BTBD7: variants seen among roughly 807,000 people sequenced by gnomAD.
The protein encoded by BTBD7 is BTB/POZ domain-containing protein 7.
In BTBD7, 38 loss-of-function variants were observed where a neutral mutation model predicts 99.9. That is an observed-to-expected ratio of 0.38 (90% confidence interval 0.29 to 0.50). BTBD7 has a LOEUF of 0.50. Among genes scored for constraint, BTBD7 ranks in the 20% least tolerant of loss-of-function variants. The pLI, the probability that BTBD7 is intolerant of heterozygous loss-of-function variation, is 0.93. For synonymous variants in BTBD7, 520 were observed against 511.4 expected (o/e 1.02, Z -0.23); for missense variants, 1,170 against 1,394.6 (o/e 0.84, Z 2.57).
At chr14:93,308,023 G>A (rs1215849103) in intron 1 of BTBD7, among the ~76,000 whole-genome samples, 2 of 152,098 alleles carry the variant, frequency 1.3e-5, no homozygotes, top group Non-Finnish European at 2.9e-5. Context: ...GGCCGGGCAC[G>A]GTGGCTCAAT....
In BTBD7 at chr14:93,244,519, C is replaced by T. The variant is rs149165429; in HGVS notation, c.2583+1306G>A. Among the ~76,000 whole-genome samples, 1,322 of 152,060 alleles carry T rather than the reference C, an allele frequency of 8.7e-3. 5 individuals are homozygous for T. Among genetic ancestry groups the T allele is most frequent in the Non-Finnish European group, 0.014 (978 of 67,992 alleles). ...CAAAAATTAGCCGGGCGTGGTGGTG[C>T]GTGCCTGTAATCCCAGCTACTCAGG... On this transcript the variant is annotated intron_variant, in intron 10 of 10. Coordinates refer to ENST00000334746, the MANE Select transcript of BTBD7 (RefSeq NM_001002860.4).
intron 1 of BTBD7, among the ~76,000 whole-genome samples, chr14:93,299,166 C>G (rs2052963780): frequency 1.3e-5 from 2 of 152,124 alleles, no homozygotes; most frequent in South Asian, 4.1e-4. Flanking sequence ...ACCCTGTGTT[C>G]CCCAGTTCCA....
In BTBD7 at chr14:93,273,385, A is replaced by G. The variant is rs566909774; in HGVS notation, c.1163-9392T>C. Among the ~76,000 whole-genome samples the G allele has an allele frequency of 8.5e-5, 13 of 152,368 alleles. 1 individual carries two copies. The highest frequency in any genetic ancestry group is 2.9e-4 in the African/African-American group (12 of 41,586). On this transcript the variant is annotated intron_variant, in intron 3 of 10. Coordinates refer to ENST00000334746, the MANE Select transcript of BTBD7 (RefSeq NM_001002860.4). ...AATCTAGGCATTCTTCAAAGTCTGA[A>G]GACTTCCAGGTCAGTGTCTGAAAAG...
At chr14:93,295,287 T>A (rs186307571) in intron 2 of BTBD7, among the ~76,000 whole-genome samples, 1,780 of 151,826 alleles carry the variant, frequency 0.012, 24 homozygotes, top group South Asian at 0.014. Context: ...ATTAAAAAAA[T>A]TTTTTTTTCT....
chr14:93,279,744 C>T (rs2052697838), intron 3 of BTBD7, among the ~76,000 whole-genome samples: 1 of 152,122 alleles, frequency 6.6e-6, no homozygotes, highest in African/African-American at 2.4e-5. Context: ...GACAAGGTTT[C>T]ACCATGTTGG....
intron 10 of BTBD7, 61 bp from the exon 11 acceptor site, chr14:93,243,149 G>C: frequency 7.2e-7 from 1 of 1,390,416 alleles, no homozygotes; most frequent in Admixed American, 2.2e-5. Context: ...CTGTAGAAAT[G>C]ATGTTCACTG....
intron 8 of BTBD7, 94 bp from the exon 9 acceptor site, chr14:93,248,748 A>G: frequency 8.9e-7 from 1 of 1,126,518 alleles, no homozygotes; most frequent in South Asian, 1.7e-5. Flanking sequence ...ATTTCATACC[A>G]GAATCTTATA....
chr14:93,262,197 A>T (rs1267412494), intron 4 of BTBD7, among the ~76,000 whole-genome samples: 1 of 148,218 alleles, frequency 6.7e-6, no homozygotes. Flanking sequence ...CAGTGGTGTG[A>T]TCTTGACTCA....
At chr14:93,306,731 C>T (rs536678750) in intron 1 of BTBD7, among the ~76,000 whole-genome samples, 1 of 152,282 alleles carries the variant, frequency 6.6e-6, no homozygotes, top group East Asian at 1.9e-4. Flanking sequence ...CACATTACTG[C>T]ACAGCACCCA....
chr14:93,253,150 C>T (rs900253003), intron 7 of BTBD7, among the ~76,000 whole-genome samples: 4 of 152,120 alleles, frequency 2.6e-5, no homozygotes, highest in African/African-American at 7.2e-5. Context: ...ATACATAATG[C>T]GAACTAGTTA....
intron 3 of BTBD7, among the ~76,000 whole-genome samples, chr14:93,274,783 A>C (rs761390491): frequency 2.0e-5 from 3 of 152,194 alleles, no homozygotes; most frequent in Non-Finnish European, 4.4e-5. Flanking sequence ...AGATACAAAA[A>C]TCTACAGTTT....
At chr14:93,252,527 T>G (rs2052381039) in intron 7 of BTBD7, among the ~76,000 whole-genome samples, 1 of 151,156 alleles carries the variant, frequency 6.6e-6, no homozygotes, top group Non-Finnish European at 1.5e-5. Flanking sequence ...TGGCTAGTTT[T>G]TTTTTTTTTT....
At chr14:93,331,351 CACA>C (rs1305508013) in intron 1 of BTBD7, among the ~76,000 whole-genome samples, 10 of 152,126 alleles carry the variant, frequency 6.6e-5, no homozygotes, top group Non-Finnish European at 1.3e-4. Flanking sequence ...CTGTAGGATC[CACA>C]ACAAGTCACT....
chr14:93,287,926 A>G (rs780597026), intron 3 of BTBD7: 1 of 152,334 alleles, frequency 6.6e-6, no homozygotes, highest in Admixed American at 6.5e-5. Flanking sequence ...TTTTCGAGGT[A>G]TGACTGAAAA....
chr14:93,271,633 G>A (rs2052602003), intron 3 of BTBD7, among the ~76,000 whole-genome samples: 1 of 152,172 alleles, frequency 6.6e-6, no homozygotes, highest in Admixed American at 6.5e-5. Flanking sequence ...GAGTGTGGCA[G>A]GAAGTGAAAG....
chr14:93,253,494 T>G, intron 7 of BTBD7, among the ~76,000 whole-genome samples, 153 bp downstream of exon 7: 1 of 152,238 alleles, frequency 6.6e-6, no homozygotes, highest in East Asian at 1.9e-4. Flanking sequence ...TAGAAAACTA[T>G]TCTGTTGAGT....
intron 9 of BTBD7, among the ~76,000 whole-genome samples, chr14:93,247,597 T>C (rs973259205): frequency 2.0e-5 from 3 of 152,192 alleles, no homozygotes; most frequent in African/African-American, 4.8e-5. Context: ...CCGCCCACCT[T>C]GGCATCCCAA....
intron 1 of BTBD7, among the ~76,000 whole-genome samples, chr14:93,321,472 A>G (rs920297268): frequency 1.6e-4 from 24 of 152,210 alleles, no homozygotes; most frequent in Non-Finnish European, 2.9e-4. Context: ...GCGTGCCTGT[A>G]ATCCCAGCTG....
chr14:93,295,616 GTTTC>G (rs1461801543), intron 2 of BTBD7, among the ~76,000 whole-genome samples: 9 of 152,134 alleles, frequency 5.9e-5, no homozygotes. Flanking sequence ...ATTGTGAAAT[GTTTC>G]TTTTTCTTCT....
Sources: gnomAD v4.1 joint callset for allele counts (sites outside exome capture counted in the v4.1 genomes callset) on GRCh38, gnomAD v4.1.1 for gene constraint, MANE v1.5 for transcripts, NCBI Gene and HGNC (gene_info 2026-07-23, HGNC 2026-07-21) for gene names.